LSS: variants seen among roughly 807,000 people sequenced by gnomAD.
LSS encodes 2,3-epoxysqualene-lanosterol cyclase.
A neutral mutation model predicts 110.3 loss-of-function variants in LSS; 90 were observed. That is an observed-to-expected ratio of 0.82 (90% CI 0.69 to 0.97). The LOEUF is 0.97. Ranked by LOEUF, LSS falls within the 50% of genes least tolerant of loss-of-function variation. LSS has a pLI of 0.00. For synonymous variants in LSS, 433 were observed against 400.0 expected (o/e 1.08, Z -0.98); for missense variants, 927 against 990.0 (o/e 0.94, Z 0.85).
At chr21:46,219,140 G>GC (rs2080243013) in intron 6 of LSS, among the ~76,000 whole-genome samples, 1 of 152,136 alleles carries the variant, frequency 6.6e-6, no homozygotes, top group South Asian at 2.1e-4. Flanking sequence ...AACACAGGAC[G>GC]CCCCTGTGCA....
At chr21:46,228,263 A>G (rs762476229) in intron 2 of LSS, among the ~76,000 whole-genome samples, 171 bp downstream of exon 2, 17 of 152,270 alleles carry the variant, frequency 1.1e-4, no homozygotes, top group Non-Finnish European at 1.8e-4. Context: ...TGGTTTAGAG[A>G]TGAAGGGGCT....
intron 15 of LSS, 21 bp downstream of exon 15, chr21:46,207,407 C>T (rs762086292): frequency 6.2e-7 from 1 of 1,609,484 alleles, no homozygotes; most frequent in Non-Finnish European, 8.5e-7. Flanking sequence ...ATGGACGGGG[C>T]TGCTGGGACC....
At chr21:46,221,735 G>T in intron 5 of LSS, 119 bp downstream of exon 5, 1 of 1,436,408 alleles carries the variant, frequency 7.0e-7, no homozygotes, top group Non-Finnish European at 9.6e-7. Flanking sequence ...CAAATTCCCT[G>T]CTCATGTGCT....
In LSS at chr21:46,219,470, ACATAC is replaced by A; in HGVS notation, c.647+1_647+5del. Reference sequence around the variant, plus strand: ...GACCCAACAACCCAATCAACAGCAGACATACCACATCTCTGGGAACAGGGTATTGA... The same window carrying A: ...GACCCAACAACCCAATCAACAGCAGACACATCTCTGGGAACAGGGTATTGA... On this transcript the variant is annotated splice_donor_variant and splice_donor_5th_base_variant and intron_variant, in intron 6 of 21. Coordinates refer to ENST00000397728, the MANE Select transcript of LSS (RefSeq NM_002340.6). LOFTEE classifies it high-confidence loss of function. 1 of 1,581,110 alleles carries A rather than the reference ACATAC, an allele frequency of 6.3e-7. No individual in the cohort carries two copies.
chr21:46,208,170 C>A (rs2080078215), intron 14 of LSS, 81 bp downstream of exon 14: 3 of 1,351,132 alleles, frequency 2.2e-6, no homozygotes, highest in East Asian at 2.5e-5. Flanking sequence ...GAGGAGCCCC[C>A]CCTTCAGAGG....
At chr21:46,210,101 C>T (rs2080110171) in intron 12 of LSS, among the ~76,000 whole-genome samples, 1 of 133,694 alleles carries the variant, frequency 7.5e-6, no homozygotes, top group African/African-American at 2.9e-5. Flanking sequence ...GAGCCTCTCT[C>T]TGTCACCCAG....
rs1361515449 is a variant in LSS at position 46,191,964 on chromosome 21, T to C, written c.1989-5A>G. ...TGGGCCTCGATGTCAGGATGCCTGG[T>C]GGAAGAGAAGGCTGAAACACACCCA... On this transcript the variant is annotated splice_polypyrimidine_tract_variant and splice_region_variant and intron_variant, in intron 20 of 21. Transcript: ENST00000397728. 3 of 1,611,196 alleles carry C rather than the reference T, an allele frequency of 1.9e-6. No individual in the cohort carries two copies.
intron 8 of LSS, 123 bp from the exon 9 acceptor site, chr21:46,215,421 C>G (rs936815575): frequency 1.8e-5 from 12 of 680,512 alleles, no homozygotes; most frequent in Admixed American, 9.1e-5. Flanking sequence ...CACCCCCAGG[C>G]CTGGTCTCTG....
intron 17 of LSS, among the ~76,000 whole-genome samples, chr21:46,202,827 T>C (rs1408688771): frequency 1.3e-5 from 2 of 151,984 alleles, no homozygotes; most frequent in Non-Finnish European, 2.9e-5. Context: ...TGGTGAGCCA[T>C]GATTTTGCTA....
Position 46,207,480 on chromosome 21 carries a change from G to A in LSS, c.1415C>T (p.Pro472Leu), listed in dbSNP as rs2080067657. The A allele has an allele frequency of 3.7e-6, 6 of 1,612,466 alleles. No individual in the cohort carries two copies. Among genetic ancestry groups the A allele is most frequent in the Non-Finnish European group, 4.2e-6 (5 of 1,179,538 alleles). The change falls in exon 15 of 22, where the codon CCC becomes CTC. Residue 472 changes from proline (P) to leucine (L), a missense_variant. Pro to Leu is a moderately conservative substitution (Grantham distance 98). Coordinates refer to ENST00000397728, the MANE Select transcript of LSS (RefSeq NM_002340.6). ...KAVLLLQEKC[P>L]HVTEHIPRER... ...TCTGGGGATGTGCTCGGTGACATGG[G>A]GACACTTCTCCTGCAGGAGCAGCAC...
At chr21:46,215,138 A>G (rs2080182899) in intron 9 of LSS, 42 bp downstream of exon 9, 1 of 1,551,816 alleles carries the variant, frequency 6.4e-7, no homozygotes, top group Non-Finnish European at 8.8e-7. Flanking sequence ...TCGGACCTCA[A>G]CCCCCAGGGG....
chr21:46,208,534 C>T (rs1394646328), intron 13 of LSS, among the ~76,000 whole-genome samples: 2 of 152,232 alleles, frequency 1.3e-5, no homozygotes, highest in Admixed American at 6.5e-5. Flanking sequence ...GGGCTCAAAC[C>T]AGCCCAGACG....
Position 46,190,990 on chromosome 21 carries a change from T to C in LSS, c.*114A>G, listed in dbSNP as rs1206350866. ...GGCCCCCAGATTCACATCTATGAGA[T>C]AGAGGTTGAGGGGTTGGAGCCCAAG... On this transcript the variant is annotated 3_prime_UTR_variant, in exon 22 of 22. Coordinates refer to ENST00000397728, the MANE Select transcript of LSS (RefSeq NM_002340.6). The surrounding 1 kb of genome is among the most constrained non-coding windows in gnomAD (Gnocchi z 4.6). 4.7e-6 allele frequency: 6 copies of C among 1,269,362 alleles called. No individual in the cohort carries two copies. Among genetic ancestry groups the C allele is most frequent in the East Asian group, 2.4e-5 (1 of 41,488 alleles). 78.6% of individuals were successfully genotyped at this position (1,269,362 alleles called of 1,614,324 possible). A position where few individuals can be genotyped will look rare whatever the true frequency, so the allele number is the denominator to read the frequency against.
At chr21:46,224,714 C>T (rs2080316197) in intron 3 of LSS, 1 of 152,286 alleles carries the variant, frequency 6.6e-6, no homozygotes, top group African/African-American at 2.4e-5. Flanking sequence ...ATTCAGTGTT[C>T]ACCAGAGTGC....
At position 46,221,850 on chromosome 21, in the gene LSS, G is replaced by A. The variant is rs371840770; in HGVS notation, c.550+4C>T. ...TGGCCCAGCACATGCTGCACATGCC[G>A]TACCTTTCTTGTGAAGAATGTTCCG... is the stretch of plus-strand genomic sequence containing the variant. On this transcript the variant is annotated splice_donor_region_variant and intron_variant, in intron 5 of 21. Coordinates refer to ENST00000397728, the MANE Select transcript of LSS (RefSeq NM_002340.6). 1.4e-5 allele frequency: 22 copies of A among 1,613,886 alleles called. No homozygotes were observed. Among genetic ancestry groups the A allele is most frequent in the Admixed American group, 1.2e-4 (7 of 59,990 alleles).
intron 14 of LSS, among the ~76,000 whole-genome samples, chr21:46,207,984 T>A (rs1043177310): frequency 6.6e-6 from 1 of 152,244 alleles, no homozygotes; most frequent in East Asian, 1.9e-4. Flanking sequence ...ACTTCGGCTG[T>A]CCTTCTGAAG....
chr21:46,213,080 G>T, intron 10 of LSS, 28 bp from the exon 11 acceptor site: 1 of 1,612,394 alleles, frequency 6.2e-7, no homozygotes, highest in Non-Finnish European at 8.5e-7. Context: ...CCCAAGTCAG[G>T]TGCAAGGAGA....
At chr21:46,225,374 A>T in intron 3 of LSS, 1 of 453,226 alleles carries the variant, frequency 2.2e-6, no homozygotes, top group Non-Finnish European at 4.4e-6. Context: ...GCCCGTTGCC[A>T]AGCGGACCCA....
rs1489644546 is a variant in LSS at position 46,219,457 on chromosome 21, C to G, written c.647+19G>C. On this transcript the variant is annotated intron_variant, in intron 6 of 21. Transcript: ENST00000397728. ...GGACAGCAGCAGCGACCCAACAACC[C>G]AATCAACAGCAGACATACCACATCT... The G allele has an allele frequency of 3.8e-6, 6 of 1,560,238 alleles. No homozygotes were observed. The highest frequency in any genetic ancestry group is 4.3e-6 in the Non-Finnish European group (5 of 1,149,648).
Sources: gnomAD v4.1 joint callset for allele counts (sites outside exome capture counted in the v4.1 genomes callset) on GRCh38, gnomAD v4.1.1 for gene constraint, Gnocchi (gnomAD v3.1) non-coding constraint, MANE v1.5 for transcripts, NCBI Gene and HGNC (gene_info 2026-07-23, HGNC 2026-07-21) for gene names.